SNTG1: variants seen among roughly 807,000 people sequenced by gnomAD.
SNTG1 encodes syntrophin gamma 1.
Under a neutral mutation model 74.7 loss-of-function variants are expected in SNTG1, and 39 were observed. That is an observed-to-expected ratio of 0.52 (90% CI 0.40 to 0.68). The LOEUF (loss-of-function observed/expected upper bound fraction) is 0.68. Among genes scored for constraint, SNTG1 ranks in the 30% least tolerant of loss-of-function variants. SNTG1 has a pLI of 0.00. For synonymous variants in SNTG1, 254 were observed against 217.1 expected (o/e 1.17, Z -1.49); for missense variants, 685 against 609.5 (o/e 1.12, Z -1.30).
intron 2 of SNTG1, among the ~76,000 whole-genome samples, chr8:50,369,653 A>C (rs1417693150): frequency 1.3e-5 from 2 of 151,710 alleles, no homozygotes; most frequent in East Asian, 3.9e-4. Context: ...ATTATCTACC[A>C]AGTGAGGACA....
intron 2 of SNTG1, among the ~76,000 whole-genome samples, chr8:50,279,136 A>G (rs2088288733): frequency 2.6e-5 from 4 of 152,184 alleles, no homozygotes; most frequent in Admixed American, 2.6e-4. Flanking sequence ...GCAGAAAACC[A>G]TGGTCGACAC....
chr8:50,320,284 C>G (rs181514718), intron 2 of SNTG1, among the ~76,000 whole-genome samples: 1 of 152,146 alleles, frequency 6.6e-6, no homozygotes, highest in African/African-American at 2.4e-5. Context: ...TTAGATTTCC[C>G]AATTTATTGG....
chr8:50,090,239 G>T (rs894238348), intron 1 of SNTG1, among the ~76,000 whole-genome samples: 4 of 152,158 alleles, frequency 2.6e-5, no homozygotes, highest in Admixed American at 2.6e-4. Flanking sequence ...ACAAAATCCA[G>T]TTGTAAATTG....
At chr8:50,706,335 C>T (rs1283234845) in intron 16 of SNTG1, among the ~76,000 whole-genome samples, 5 of 151,954 alleles carry the variant, frequency 3.3e-5, no homozygotes, top group Admixed American at 1.3e-4. Context: ...GATCCAAGAC[C>T]ATTTAAAGCA....
intron 13 of SNTG1, chr8:50,643,702 C>T (rs13254671): frequency 0.23 from 34,215 of 152,064 alleles, 4,460 homozygotes; most frequent in African/African-American, 0.35. Context: ...TTGCAGAAAC[C>T]GGACAAAAAT....
chr8:50,434,065 G>A (rs1456744306), intron 4 of SNTG1, among the ~76,000 whole-genome samples: 1 of 115,166 alleles, frequency 8.7e-6, no homozygotes, highest in African/African-American at 3.5e-5. Flanking sequence ...ACAGTCCCCA[G>A]TGTGTGATGT....
chr8:50,779,155 CT>C (rs2095650517), intron 18 of SNTG1, among the ~76,000 whole-genome samples: 1 of 152,146 alleles, frequency 6.6e-6, no homozygotes, highest in African/African-American at 2.4e-5. Context: ...CAGCTCTGTT[CT>C]TTTGGCTTAG....
intron 1 of SNTG1, among the ~76,000 whole-genome samples, chr8:49,971,025 C>T (rs1223701959): frequency 1.3e-5 from 2 of 152,100 alleles, no homozygotes; most frequent in African/African-American, 4.8e-5. Flanking sequence ...TTTATGAGGC[C>T]AGCATCATCC....
At chr8:50,043,988 A>G (rs1818862155) in intron 1 of SNTG1, among the ~76,000 whole-genome samples, 1 of 152,204 alleles carries the variant, frequency 6.6e-6, no homozygotes, top group Admixed American at 6.5e-5. Context: ...ATCATCTATG[A>G]TAACACTAAT....
chr8:50,074,302 C>T (rs1821630473), intron 1 of SNTG1, among the ~76,000 whole-genome samples: 1 of 152,296 alleles, frequency 6.6e-6, no homozygotes, highest in Non-Finnish European at 1.5e-5. Flanking sequence ...CCTCACCTCA[C>T]TCAGCCTTCA....
intron 15 of SNTG1, among the ~76,000 whole-genome samples, chr8:50,696,880 T>A (rs984686292): frequency 6.6e-6 from 1 of 152,188 alleles, no homozygotes; most frequent in Admixed American, 6.5e-5. Flanking sequence ...GGTAATGTGA[T>A]GCCTCCAGCT....
intron 2 of SNTG1, among the ~76,000 whole-genome samples, chr8:50,262,815 T>TTA (rs1214411204): frequency 6.6e-6 from 1 of 151,962 alleles, no homozygotes; most frequent in Non-Finnish European, 1.5e-5. Flanking sequence ...TAAATCCAAA[T>TTA]TACTAAGTGA....
At chr8:50,239,669 G>A (rs1409413479) in intron 2 of SNTG1, among the ~76,000 whole-genome samples, 1 of 152,198 alleles carries the variant, frequency 6.6e-6, no homozygotes, top group Non-Finnish European at 1.5e-5. Flanking sequence ...ACCAGGGATT[G>A]TTGCAGTGTG....
rs1304012324 is a variant in SNTG1 at position 50,135,813 on chromosome 8, T to C, written c.-102-36748T>C. Among the ~76,000 whole-genome samples, 4 of 152,316 alleles carry C rather than the reference T, an allele frequency of 2.6e-5. No individual in the cohort carries two copies. The East Asian group carries it at 5.8e-4, about 22-fold the overall frequency. On this transcript the variant is annotated intron_variant, in intron 1 of 18. Coordinates refer to ENST00000642720, the MANE Select transcript of SNTG1 (RefSeq NM_018967.5). Reference sequence around the variant, plus strand: ...GTTTACTACATTTAGGTAAACTGCATGTTGCAGGGGTTTGGTGTGCCGATT... The same window carrying C: ...GTTTACTACATTTAGGTAAACTGCACGTTGCAGGGGTTTGGTGTGCCGATT...
intron 1 of SNTG1, among the ~76,000 whole-genome samples, chr8:50,071,097 G>A (rs1009962629): frequency 2.6e-5 from 4 of 152,164 alleles, no homozygotes; most frequent in African/African-American, 9.7e-5. Context: ...TGTTGGCCAA[G>A]GTGGTCACAG....
At chr8:50,136,223 CATGT>C (rs1353230732) in intron 1 of SNTG1, among the ~76,000 whole-genome samples, 1 of 152,070 alleles carries the variant, frequency 6.6e-6, no homozygotes, top group African/African-American at 2.4e-5. Flanking sequence ...CTTATGTGTG[CATGT>C]GTCTCTATGG....
At chr8:50,419,603 C>T (rs1195729270) in intron 4 of SNTG1, among the ~76,000 whole-genome samples, 1 of 152,152 alleles carries the variant, frequency 6.6e-6, no homozygotes, top group Admixed American at 6.6e-5. Context: ...TCCTCCTCCC[C>T]TCAACAAGGG....
At chr8:49,988,929 T>C (rs4873122) in intron 1 of SNTG1, among the ~76,000 whole-genome samples, 15,787 of 151,942 alleles carry the variant, frequency 0.1, 1,214 homozygotes, top group African/African-American at 0.2. Context: ...AGTAATTTAC[T>C]GTATATTTAA....
At chr8:50,502,691 A>C (rs2093971640) in intron 8 of SNTG1, 87 bp from the exon 9 acceptor site, 1 of 1,103,700 alleles carries the variant, frequency 9.1e-7, no homozygotes, top group African/African-American at 1.6e-5. Flanking sequence ...TGGAAGGTGG[A>C]AGAAACAACC....
Sources: gnomAD v4.1 joint callset for allele counts (sites outside exome capture counted in the v4.1 genomes callset) on GRCh38, gnomAD v4.1.1 for gene constraint, MANE v1.5 for transcripts, NCBI Gene and HGNC (gene_info 2026-07-23, HGNC 2026-07-21) for gene names.